The following FGD5 variants were observed in gnomAD, a reference collection of about 807,000 sequenced individuals.
FGD5 encodes FYVE, RhoGEF and PH domain-containing protein 5.
FGD5 carries 28 observed loss-of-function variants against 133.4 expected under a neutral mutation model. That is an observed-to-expected ratio of 0.21 (90% CI 0.16 to 0.29). FGD5 has a LOEUF of 0.29. Among genes scored for constraint, FGD5 ranks in the 10% least tolerant of loss-of-function variants. The pLI is 1.00. For synonymous variants in FGD5, 810 were observed against 776.5 expected (o/e 1.04, Z -0.72); for missense variants, 1,858 against 1,895.2 (o/e 0.98, Z 0.36).
intron 4 of FGD5, among the ~76,000 whole-genome samples, chr3:14,887,349 T>G: frequency 6.6e-6 from 1 of 151,958 alleles, no homozygotes; most frequent in East Asian, 1.9e-4. Context: ...GTGGAGCAAG[T>G]TCTCCTCCCA....
At chr3:14,874,418 G>A (rs191304605) in intron 2 of FGD5, among the ~76,000 whole-genome samples, 2 of 152,282 alleles carry the variant, frequency 1.3e-5, no homozygotes, top group East Asian at 3.9e-4. Flanking sequence ...CTACTCAGGA[G>A]GCTGAGGCTG....
chr3:14,895,546 C>T (rs2038119715), intron 4 of FGD5, among the ~76,000 whole-genome samples: 1 of 152,054 alleles, frequency 6.6e-6, no homozygotes, highest in Non-Finnish European at 1.5e-5. Context: ...GGTTTACAGA[C>T]AACAAGATCT....
intron 1 of FGD5, among the ~76,000 whole-genome samples, chr3:14,852,464 T>C (rs2037182902): frequency 6.6e-6 from 1 of 152,214 alleles, no homozygotes; most frequent in South Asian, 2.1e-4. Flanking sequence ...TCTTTTTGGA[T>C]TGATGAAAAT....
chr3:14,831,358 G>C (rs192344862), intron 1 of FGD5, among the ~76,000 whole-genome samples: 12 of 152,354 alleles, frequency 7.9e-5, no homozygotes, highest in African/African-American at 2.9e-4. Flanking sequence ...GGTAGGATCA[G>C]CAAGTAGTTC....
chr3:14,821,312 C>T lies in FGD5; in HGVS notation c.2241C>T (p.Asp747=), dbSNP rs768603340. 6.2e-7 allele frequency: 1 copy of T among 1,613,996 alleles called. No homozygotes were observed. Among genetic ancestry groups the T allele is most frequent in the Non-Finnish European group, 8.5e-7 (1 of 1,179,894 alleles). The change falls in exon 1 of 20, where the codon GAC becomes GAT. Residue 747 remains aspartate, a synonymous_variant. Coordinates refer to ENST00000285046, the MANE Select transcript of FGD5 (RefSeq NM_152536.4). ...TGTCCAGAGTGGAGTCCTTTGAAGA[C>T]CGCTCCCGGCCGCCCTTCCTGCCCT... ...RTVSRVESFE[D]RSRPPFLPLP... is the part of the protein sequence containing the mutation.
upstream of FGD5, among the ~76,000 whole-genome samples, chr3:14,814,814 C>T (rs2125064267): frequency 6.6e-6 from 1 of 152,352 alleles, no homozygotes; most frequent in East Asian, 1.9e-4. Flanking sequence ...CCAGCACCTG[C>T]AGTCTTTCCT....
Position 14,860,056 on chromosome 3 carries a change from A to G in FGD5, c.2526-4072A>G, listed in dbSNP as rs937426416. On this transcript the variant is annotated intron_variant, in intron 1 of 19. Coordinates refer to ENST00000285046, the MANE Select transcript of FGD5 (RefSeq NM_152536.4). ...ACAATTCTGAGTGAACAGAAATTCA[A>G]AACACAGGAGGGGGTCAAGGGAGGA... 2.6e-5 allele frequency among the ~76,000 whole-genome samples: 4 copies of G among 152,252 alleles called. No homozygotes were observed. In the South Asian group the frequency reaches 8.3e-4, roughly 32 times the overall value.
intron 1 of FGD5, among the ~76,000 whole-genome samples, chr3:14,862,180 G>A (rs2037412173): frequency 6.6e-6 from 1 of 152,144 alleles, no homozygotes; most frequent in Non-Finnish European, 1.5e-5. Context: ...AGGAGGAGTG[G>A]TAGGAGTGCT....
intron 1 of FGD5, among the ~76,000 whole-genome samples, chr3:14,838,864 A>G (rs967101485): frequency 1.3e-5 from 2 of 152,126 alleles, no homozygotes; most frequent in Non-Finnish European, 2.9e-5. Flanking sequence ...TAGGGAGAAA[A>G]TGCAATAGAA....
chr3:14,849,688 C>T (rs551248392), intron 1 of FGD5, among the ~76,000 whole-genome samples: 1 of 152,236 alleles, frequency 6.6e-6, no homozygotes, highest in Admixed American at 6.5e-5. Flanking sequence ...TGCATAGACT[C>T]ATTGTCAGAG....
chr3:14,882,821 G>A (rs2037853046), intron 4 of FGD5, among the ~76,000 whole-genome samples: 1 of 152,126 alleles, frequency 6.6e-6, no homozygotes, highest in East Asian at 1.9e-4. Context: ...TGTGACTCCA[G>A]GTCCTAGCTA....
At chr3:14,880,677 C>T (rs367651198) in intron 3 of FGD5, 47 bp downstream of exon 3, 98 of 1,613,824 alleles carry the variant, frequency 6.1e-5, no homozygotes, top group Non-Finnish European at 7.4e-5. Flanking sequence ...ATAAACAAAA[C>T]GTCACCCTCC....
intron 4 of FGD5, among the ~76,000 whole-genome samples, chr3:14,881,160 G>A (rs954753009): frequency 5.9e-5 from 9 of 152,128 alleles, no homozygotes; most frequent in African/African-American, 2.2e-4. Flanking sequence ...GTATGGAGAA[G>A]GTGTCTGCCT....
chr3:14,933,216 A>C lies in FGD5; in HGVS notation c.*49A>C, dbSNP rs886962442. ...TAACAAATTCTTAGGTCAATATGTG[A>C]ATGCTTTTAGAAGCTAAGCTGTGGC... On this transcript the variant is annotated 3_prime_UTR_variant, in exon 20 of 20. Transcript: ENST00000285046. 2.5e-6 allele frequency: 4 copies of C among 1,596,944 alleles called. No homozygotes were observed. The highest frequency in any genetic ancestry group is 3.4e-6 in the Non-Finnish European group (4 of 1,169,178).
chr3:14,907,112 G>A (rs2038355806), intron 9 of FGD5, among the ~76,000 whole-genome samples: 1 of 152,226 alleles, frequency 6.6e-6, no homozygotes, highest in African/African-American at 2.4e-5. Context: ...CACAGGGTGG[G>A]CGCTTGTTGT....
chr3:14,840,774 A>G (rs1185537292), intron 1 of FGD5, among the ~76,000 whole-genome samples: 1 of 152,166 alleles, frequency 6.6e-6, no homozygotes, highest in African/African-American at 2.4e-5. Flanking sequence ...TGACATAATC[A>G]TGATGAGCAT....
chr3:14,910,775 T>C, intron 10 of FGD5, 86 bp from the exon 11 acceptor site: 2 of 1,231,962 alleles, frequency 1.6e-6, no homozygotes, highest in Non-Finnish European at 2.3e-6. Flanking sequence ...TTGATTTAAG[T>C]TTCCACTCAG....
Position 14,819,917 on chromosome 3 carries a change from C to T in FGD5, c.846C>T (p.Ala282=). Residue 282 remains alanine, a synonymous_variant, in exon 1 of 20, where the codon GCC becomes GCT. Transcript: ENST00000285046. This position sits in a 1 kb window ranked among gnomAD's most constrained non-coding sequence, Gnocchi z 4.1. The part of the protein sequence containing the change: ...PEVLEEGCEE[A]TGVTGGEQVD... ...TTCTTGAGGAGGGATGTGAAGAGGC[C>T]ACGGGTGTCACAGGTGGGGAACAGG... is the stretch of plus-strand genomic sequence containing the variant. 1 of 1,613,886 alleles carries T rather than the reference C, an allele frequency of 6.2e-7. No homozygotes were observed. The highest frequency in any genetic ancestry group is 8.5e-7 in the Non-Finnish European group (1 of 1,179,874).
rs1328852195 is a variant in FGD5 at position 14,926,133 on chromosome 3, C to T, written c.4132C>T (p.Arg1378Trp). 9 of 1,613,854 alleles carry T rather than the reference C, an allele frequency of 5.6e-6. No individual in the cohort carries two copies. Among genetic ancestry groups the T allele is most frequent in the African/African-American group, 5.3e-5 (4 of 75,040 alleles). The change falls in exon 18 of 20, where the codon CGG becomes TGG. Residue 1378 changes from arginine (R) to tryptophan (W), a missense_variant. Transcript: ENST00000285046. ...TCTCAGCCGGTGTAAGAGGGGCAAG[C>T]GGCACTGGAAGAAGCTCTGGTTTGT... ...GYLSRCKRGK[R>W]HWKKLWFVIK...
Sources: gnomAD v4.1 joint callset for allele counts (sites outside exome capture counted in the v4.1 genomes callset) on GRCh38, gnomAD v4.1.1 for gene constraint, Gnocchi (gnomAD v3.1) non-coding constraint, MANE v1.5 for transcripts, NCBI Gene and HGNC (gene_info 2026-07-23, HGNC 2026-07-21) for gene names.